DBI: variants seen among roughly 807,000 people sequenced by gnomAD.
DBI encodes the protein diazepam binding inhibitor, acyl-CoA binding protein.
Under a neutral mutation model 13.0 loss-of-function variants are expected in DBI, and 12 were observed. The ratio of observed to expected loss-of-function variants is 0.92; its 90% confidence interval spans 0.59 to 1.49. The LOEUF is 1.49. DBI is among the 40% of genes most tolerant of loss of function. The pLI, the probability that DBI is intolerant of heterozygous loss-of-function variation, is 0.00. For synonymous variants in DBI, 37 were observed against 37.4 expected (o/e 0.99, Z 0.04); for missense variants, 95 against 104.8 (o/e 0.91, Z 0.41).
At chr2:119,368,139 T>C in intron 1 of DBI, 49 bp from the exon 2 acceptor site, 1 of 1,554,576 alleles carries the variant, frequency 6.4e-7, no homozygotes, top group Non-Finnish European at 8.9e-7. Context: ...ATTCTTACCC[T>C]CTCCCACCCA....
chr2:119,368,288 T>TGGGC lies in DBI; in HGVS notation c.112_115dup (p.Asp39GlyfsTer24). The stretch of plus-strand genomic sequence containing the variant: ...TATGGCCACTACAAACAAGCAACTG[T>TGGGC]GGGCGACATAAATACAGGTATGCAG... On this transcript the variant is annotated frameshift_variant, in exon 2 of 4. Transcript: ENST00000355857. LOFTEE classifies it high-confidence loss of function. The TGGGC allele has an allele frequency of 6.2e-7, 1 of 1,613,864 alleles. No homozygotes were observed. The highest frequency in any genetic ancestry group is 1.1e-5 in the South Asian group (1 of 91,084).
In DBI at chr2:119,369,034, G is replaced by A. The variant is rs541585442; in HGVS notation, c.127+729G>A. On this transcript the variant is annotated intron_variant, in intron 2 of 3. Transcript: ENST00000355857. ...CATGGTCCCTATTTCCGCAGTAGCTGGGGTGGAAGATGGAGCAGGTGGGCT... is the reference window on the plus strand; with the variant it reads ...CATGGTCCCTATTTCCGCAGTAGCTAGGGTGGAAGATGGAGCAGGTGGGCT... Among the ~76,000 whole-genome samples, 3 of 152,342 alleles carry A rather than the reference G, an allele frequency of 2.0e-5. No individual in the cohort carries two copies. In the East Asian group the frequency reaches 5.8e-4, roughly 29 times the overall value.
intron 3 of DBI, among the ~76,000 whole-genome samples, chr2:119,371,946 CCT>C (rs1277685681): frequency 1.3e-5 from 2 of 152,198 alleles, no homozygotes; most frequent in Admixed American, 6.5e-5. Flanking sequence ...GAGGGTGGCA[CCT>C]CTCTCCCAAG....
chr2:119,368,010 C>A, intron 1 of DBI, 178 bp from the exon 2 acceptor site: 1 of 1,603,170 alleles, frequency 6.2e-7, no homozygotes, highest in South Asian at 1.1e-5. Flanking sequence ...CTGAATCTTT[C>A]TAGCTGCCCT....
rs989746331 is a variant in DBI, at chr2:119,372,102, C to T, written c.191-143C>T. On this transcript the variant is annotated intron_variant, in intron 3 of 3. Coordinates refer to ENST00000355857, the MANE Select transcript of DBI (RefSeq NM_001079862.4). ...TCGGGCCAGGTTCTGTGGATACTGTCTCCTGTAATTAGTAGAATCTCAACT... is the reference window on the plus strand; with the variant it reads ...TCGGGCCAGGTTCTGTGGATACTGTTTCCTGTAATTAGTAGAATCTCAACT... 61 of 640,304 alleles carry T rather than the reference C, an allele frequency of 9.5e-5. No individual in the cohort carries two copies. In the African/African-American group the frequency reaches 1.0e-3, roughly 11 times the overall value. 39.7% of individuals were successfully genotyped at this position (640,304 alleles called of 1,614,324 possible). A position where few individuals can be genotyped will look rare whatever the true frequency, so the allele number is the denominator to read the frequency against.
At chr2:119,371,001 A>G (rs780440381) in intron 3 of DBI, among the ~76,000 whole-genome samples, 199 bp downstream of exon 3, 1 of 152,198 alleles carries the variant, frequency 6.6e-6, no homozygotes, top group East Asian at 1.9e-4. Flanking sequence ...TAAAAGCACC[A>G]TCTCTGAGCA....
At chr2:119,370,608 G>T in intron 2 of DBI, 132 bp from the exon 3 acceptor site, 1 of 742,020 alleles carries the variant, frequency 1.3e-6, no homozygotes. Context: ...CACTCTACTA[G>T]ACCTATTTAA....
Position 119,369,735 on chromosome 2 carries a change from G to A in DBI, c.128-1005G>A, listed in dbSNP as rs139173222. Reference sequence around the variant, plus strand: ...TGGGAGGTAGAGGTTGTGGTGAGCCGAGGTCGCACCACTGCACTCCAGCCT... The same window carrying A: ...TGGGAGGTAGAGGTTGTGGTGAGCCAAGGTCGCACCACTGCACTCCAGCCT... On this transcript the variant is annotated intron_variant, in intron 2 of 3. Transcript: ENST00000355857. Among the ~76,000 whole-genome samples the A allele has an allele frequency of 4.1e-3, 622 of 152,166 alleles. 7 individuals are homozygous for A. The highest frequency in any genetic ancestry group is 0.017 in the Middle Eastern group (5 of 292).
Position 119,372,262 on chromosome 2 carries a change from G to A in DBI, c.208G>A (p.Ala70Thr), listed in dbSNP as rs1315661853. 1 of 1,613,522 alleles carries A rather than the reference G, an allele frequency of 6.2e-7. No homozygotes were observed. Among genetic ancestry groups the A allele is most frequent in the South Asian group, 1.1e-5 (1 of 91,056 alleles). The change falls in exon 4 of 4, where the codon GCC (alanine) becomes ACC (threonine). Residue 70 changes from alanine (A) to threonine (T), a missense_variant. Transcript: ENST00000355857. ...NELKGTSKED[A>T]MKAYINKVEE... ...CCTTACAGGGACTTCCAAGGAAGAT[G>A]CCATGAAAGCTTACATCAACAAAGT...
At chr2:119,372,185 A>G (rs1219264528) in intron 3 of DBI, 60 bp from the exon 4 acceptor site, 1 of 1,285,504 alleles carries the variant, frequency 7.8e-7, no homozygotes, top group East Asian at 2.3e-5. Context: ...GGGGCTCTGG[A>G]GGCTGCTTGT....
Position 119,367,355 on chromosome 2 carries a change from G to A in DBI, c.9+295G>A, listed in dbSNP as rs774789011. On this transcript the variant is annotated intron_variant, in intron 1 of 3. Coordinates refer to ENST00000355857, the MANE Select transcript of DBI (RefSeq NM_001079862.4). The stretch of plus-strand genomic sequence containing the variant: ...GTGCTTGATGGAGAGATGGGGGAAG[G>A]GGTTGCACGGATTGGAGGAGCGAGG... 2.1e-6 allele frequency: 3 copies of A among 1,447,866 alleles called. No homozygotes were observed. The South Asian group carries it at 4.3e-5, about 21-fold the overall frequency. The allele number at this position is 1,447,866 out of a possible 1,614,324, so 89.7% of individuals were successfully genotyped here. A position where few individuals can be genotyped will look rare whatever the true frequency, so the allele number is the denominator to read the frequency against.
At chr2:119,371,624 T>C (rs72831299) in intron 3 of DBI, among the ~76,000 whole-genome samples, 2,872 of 152,290 alleles carry the variant, frequency 0.019, 38 homozygotes, top group South Asian at 0.054. Context: ...TCCTTCACCA[T>C]AGAATCCAGG....
intron 2 of DBI, 98 bp from the exon 3 acceptor site, chr2:119,370,642 A>T: frequency 9.1e-7 from 1 of 1,102,808 alleles, no homozygotes; most frequent in Admixed American, 2.0e-5. Context: ...CCTAGAAGGA[A>T]CAGGTGTAAT....
chr2:119,367,620 T>C lies in DBI; in HGVS notation c.9+560T>C, dbSNP rs138352746. ...ACCTCTGGCTCCTCCCGCCTGCCTC[T>C]GCCAATCCGGGCACTGGGACAGAGG... On this transcript the variant is annotated intron_variant, in intron 1 of 3. Transcript: ENST00000355857. 1,446 of 1,614,122 alleles carry C rather than the reference T, an allele frequency of 9.0e-4. 14 individuals carry two copies. The African/African-American group carries it at 0.016, about 18-fold the overall frequency.
At chr2:119,368,453 CCATGTTCCGGATTCT>C in intron 2 of DBI, 148 bp downstream of exon 2, 1 of 658,700 alleles carries the variant, frequency 1.5e-6, no homozygotes, top group South Asian at 1.7e-5. Context: ...GTGGAAAAGA[CCATGTTCCGGATTCT>C]CAGTGTCTCC....
intron 3 of DBI, among the ~76,000 whole-genome samples, chr2:119,371,786 G>A (rs77042615): frequency 0.096 from 14,684 of 152,260 alleles, 946 homozygotes; most frequent in African/African-American, 0.18. Flanking sequence ...GGGAGAAGAG[G>A]GTGCCTGGCT....
chr2:119,367,656 A>G (rs1228190147), intron 1 of DBI: 1 of 1,613,758 alleles, frequency 6.2e-7, no homozygotes, highest in Admixed American at 1.7e-5. Context: ...TCGGTGTTGA[A>G]CGCGCGGGCC....
rs1681584769 is a variant in DBI at position 119,372,378 on chromosome 2, T to C, written c.*60T>C. The C allele has an allele frequency of 1.7e-5, 23 of 1,321,028 alleles. 1 individual carries two copies. The South Asian group carries it at 2.5e-4, about 14-fold the overall frequency. The allele number at this position is 1,321,028 out of a possible 1,614,324, so 81.8% of individuals were successfully genotyped here. A position where few individuals can be genotyped will look rare whatever the true frequency, so the allele number is the denominator to read the frequency against. The stretch of plus-strand genomic sequence containing the variant: ...CCTAAACTGAGACAATGCCTTGTTT[T>C]TTTCTAATACCGTGGATGGTGGGAA... On this transcript the variant is annotated 3_prime_UTR_variant, in exon 4 of 4. Coordinates refer to ENST00000355857, the MANE Select transcript of DBI (RefSeq NM_001079862.4).
At chr2:119,367,102 G>C (rs901624751) in intron 1 of DBI, 42 bp downstream of exon 1, 2 of 1,612,318 alleles carry the variant, frequency 1.2e-6, no homozygotes, top group African/African-American at 2.7e-5. Context: ...TGCAGCGGGC[G>C]GGAGGCCCGT....
Sources: gnomAD v4.1 joint callset for allele counts (sites outside exome capture counted in the v4.1 genomes callset) on GRCh38, gnomAD v4.1.1 for gene constraint, MANE v1.5 for transcripts, NCBI Gene and HGNC (gene_info 2026-07-23, HGNC 2026-07-21) for gene names.